The following USP13 variants were observed in gnomAD, a reference collection of about 807,000 sequenced individuals.
USP13 encodes the protein ubiquitin specific peptidase 13, also known as ubiquitin carboxyl-terminal hydrolase 13.
A neutral mutation model predicts 107.8 loss-of-function variants in USP13; 68 were observed. The ratio of observed to expected loss-of-function variants is 0.63; its 90% CI spans 0.52 to 0.77. The LOEUF is 0.77. Ranked by LOEUF, USP13 falls within the 30% of genes least tolerant of loss-of-function variation. The pLI is 0.00. For missense variants in USP13, 945 were observed against 1,093.3 expected (o/e 0.86, Z 1.91); for synonymous variants, 377 against 389.5 (o/e 0.97, Z 0.38).
At chr3:179,676,496 G>T (rs190605270) in intron 1 of USP13, among the ~76,000 whole-genome samples, 135 of 152,266 alleles carry the variant, frequency 8.9e-4, no homozygotes, top group Non-Finnish European at 1.8e-3. Context: ...TTGATTGTGG[G>T]CTGTATACCA....
chr3:179,674,139 C>A lies in USP13; in HGVS notation c.169-7739C>A, dbSNP rs961683717. ...AACTCCTGACCTCAGGTGATTCACC[C>A]GCCTCAGCCTCCCAAAGTGTTGGGA... is the stretch of plus-strand genomic sequence containing the variant. On this transcript the variant is annotated intron_variant, in intron 1 of 20. Transcript: ENST00000263966. Among the ~76,000 whole-genome samples the A allele has an allele frequency of 2.0e-5, 3 of 152,204 alleles. No individual in the cohort carries two copies. In the East Asian group the frequency reaches 5.8e-4, roughly 29 times the overall value.
chr3:179,781,082 A>G (rs1715730483), intron 19 of USP13, among the ~76,000 whole-genome samples: 3 of 152,202 alleles, frequency 2.0e-5, no homozygotes, highest in Admixed American at 2.0e-4. Context: ...GTATGATGCA[A>G]GAGGTACCTG....
intron 6 of USP13, 105 bp downstream of exon 6, chr3:179,709,062 A>G: frequency 7.4e-7 from 1 of 1,345,428 alleles, no homozygotes; most frequent in East Asian, 2.5e-5. Context: ...GGATGCAGAC[A>G]GCCCAGGTTT....
At chr3:179,733,758 A>G (rs1314683367) in intron 10 of USP13, among the ~76,000 whole-genome samples, 1 of 152,208 alleles carries the variant, frequency 6.6e-6, no homozygotes, top group East Asian at 1.9e-4. Context: ...ACCACCACGC[A>G]TGGTCTTAAT....
chr3:179,668,937 G>C (rs563496224), intron 1 of USP13, among the ~76,000 whole-genome samples: 17 of 152,314 alleles, frequency 1.1e-4, no homozygotes, highest in African/African-American at 3.1e-4. Flanking sequence ...CTGGAGATCT[G>C]TGCTCTGGTT....
chr3:179,667,941 C>T lies in USP13; in HGVS notation c.169-13937C>T, dbSNP rs1227914756. 9.2e-5 allele frequency among the ~76,000 whole-genome samples: 14 copies of T among 152,156 alleles called. 1 individual carries two copies. Among genetic ancestry groups the T allele is most frequent in the Admixed American group, 9.2e-4 (14 of 15,270 alleles). On this transcript the variant is annotated intron_variant, in intron 1 of 20. Coordinates refer to ENST00000263966, the MANE Select transcript of USP13 (RefSeq NM_003940.3). Reference sequence around the variant, plus strand: ...GGGATTACAGGTGTGAGCCACCGTGCCCGGCTGATTCGGTTTTATACTTAC... The same window carrying T: ...GGGATTACAGGTGTGAGCCACCGTGTCCGGCTGATTCGGTTTTATACTTAC...
intron 2 of USP13, among the ~76,000 whole-genome samples, chr3:179,683,898 G>T (rs1250743170): frequency 1.3e-5 from 2 of 152,240 alleles, no homozygotes; most frequent in Admixed American, 1.3e-4. Context: ...TTGATAACCA[G>T]TTGTTTCACT....
intron 12 of USP13, among the ~76,000 whole-genome samples, chr3:179,743,634 C>T (rs1714285874): frequency 6.6e-6 from 1 of 152,116 alleles, no homozygotes; most frequent in Non-Finnish European, 1.5e-5. Flanking sequence ...AACTAGGCTG[C>T]AGTGGTTTCT....
intron 1 of USP13, among the ~76,000 whole-genome samples, chr3:179,672,972 T>G (rs1271417063): frequency 6.6e-6 from 1 of 152,140 alleles, no homozygotes; most frequent in African/African-American, 2.4e-5. Context: ...GGATCCAAGG[T>G]GGGACGGTGG....
chr3:179,755,932 C>T (rs16830806), intron 15 of USP13, among the ~76,000 whole-genome samples: 21,225 of 152,088 alleles, frequency 0.14, 3,185 homozygotes, highest in African/African-American at 0.38. Context: ...TGTTCTCTAA[C>T]GCTGGGTCAA....
rs1263610505 is a variant in USP13, at chr3:179,784,077, G to A, written c.2528G>A (p.Cys843Tyr). 5 of 1,613,154 alleles carry A rather than the reference G, an allele frequency of 3.1e-6. No individual in the cohort carries two copies. The highest frequency in any genetic ancestry group is 2.2e-5 in the East Asian group (1 of 44,854). The change falls in exon 21 of 21, where the codon TGT (cysteine) becomes TAT (tyrosine). Residue 843 changes from cysteine to tyrosine, a missense_variant. Coordinates refer to ENST00000263966, the MANE Select transcript of USP13 (RefSeq NM_003940.3). ...RWVIYNDHKV[C>Y]ASERPPKDLG... ...GTGATTTACAATGACCACAAAGTTT[G>A]TGCCTCAGAAAGGCCCCCTAAAGAC...
intron 14 of USP13, among the ~76,000 whole-genome samples, chr3:179,753,208 G>A (rs1012220808): frequency 6.6e-6 from 1 of 152,190 alleles, no homozygotes; most frequent in African/African-American, 2.4e-5. Context: ...CTCGTCTGAA[G>A]GGGATAGGTA....
intron 1 of USP13, among the ~76,000 whole-genome samples, chr3:179,658,998 A>G (rs1239179330): frequency 6.6e-6 from 1 of 152,200 alleles, no homozygotes; most frequent in Non-Finnish European, 1.5e-5. Context: ...TATGATACTC[A>G]GCATAAATGG....
chr3:179,775,305 C>T (rs984871923), intron 19 of USP13, among the ~76,000 whole-genome samples: 5 of 151,842 alleles, frequency 3.3e-5, no homozygotes, highest in African/African-American at 9.7e-5. Context: ...TTCTCGAAGT[C>T]CCCACCAGAT....
At chr3:179,730,310 A>G (rs759392701) in intron 9 of USP13, 50 bp downstream of exon 9, 2 of 1,571,912 alleles carry the variant, frequency 1.3e-6, no homozygotes, top group East Asian at 4.5e-5. Flanking sequence ...CATCCAATAA[A>G]ATGTTCATAG....
At position 179,789,109 on chromosome 3, in the gene USP13, C is replaced by T. The variant is rs1715988069; in HGVS notation, c.*4968C>T. On this transcript the variant is annotated 3_prime_UTR_variant, in exon 21 of 21. Coordinates refer to ENST00000263966, the MANE Select transcript of USP13 (RefSeq NM_003940.3). ...AAATCCTCTTGTGGTTTCCCCTCCC[C>T]AGGTATTGTTGAGTCTGTTCAAAGC... is the stretch of plus-strand genomic sequence containing the variant. 1 of 152,138 alleles carries T rather than the reference C, an allele frequency of 6.6e-6. No individual in the cohort carries two copies. The highest frequency in any genetic ancestry group is 1.5e-5 in the Non-Finnish European group (1 of 68,044). 9.4% of individuals were successfully genotyped at this position (152,138 alleles called of 1,614,324 possible).
chr3:179,754,874 G>T lies in USP13; in HGVS notation c.1921+20G>T, dbSNP rs1307194695. 1 of 1,603,490 alleles carries T rather than the reference G, an allele frequency of 6.2e-7. No individual in the cohort carries two copies. The highest frequency in any genetic ancestry group is 8.5e-7 in the Non-Finnish European group (1 of 1,175,282). On this transcript the variant is annotated intron_variant, in intron 15 of 20. Transcript: ENST00000263966. ...CAAAAGGTACCATCTCCTGCCAGGA[G>T]AATATGCGCTACCCTCCCACCCTGT...
chr3:179,682,137 C>A, intron 2 of USP13, 134 bp downstream of exon 2: 2 of 1,152,982 alleles, frequency 1.7e-6, no homozygotes, highest in Non-Finnish European at 2.4e-6. Flanking sequence ...ACAAAAACAG[C>A]ACTGCTTGCA....
At chr3:179,704,819 A>G (rs1188526425) in intron 4 of USP13, among the ~76,000 whole-genome samples, 5 of 152,208 alleles carry the variant, frequency 3.3e-5, no homozygotes, top group Non-Finnish European at 7.3e-5. Flanking sequence ...ATGGATTATA[A>G]GCTTGTTGAG....
Sources: allele counts gnomAD v4.1 joint callset (sites outside exome capture counted in the v4.1 genomes callset), GRCh38; gene constraint gnomAD v4.1.1; transcripts MANE v1.5; gene names NCBI Gene and HGNC (gene_info 2026-07-23, HGNC 2026-07-21).